ARNT2: variants seen among roughly 807,000 people sequenced by gnomAD.
The protein encoded by ARNT2 is aryl hydrocarbon receptor nuclear translocator 2.
Under a neutral mutation model 91.7 loss-of-function variants are expected in ARNT2, and 36 were observed. That is an observed-to-expected ratio of 0.39 (90% CI 0.30 to 0.52). The LOEUF (loss-of-function observed/expected upper bound fraction) is 0.52. Among genes scored for constraint, ARNT2 ranks in the 20% least tolerant of loss-of-function variants. The pLI is 0.72. For synonymous variants in ARNT2, 365 were observed against 347.1 expected (o/e 1.05, Z -0.57); for missense variants, 775 against 939.3 (o/e 0.83, Z 2.29).
At chr15:80,510,569 G>A (rs915898956) in intron 6 of ARNT2, among the ~76,000 whole-genome samples, 4 of 152,078 alleles carry the variant, frequency 2.6e-5, no homozygotes, top group African/African-American at 9.7e-5. Flanking sequence ...GGTGGCTCAT[G>A]CCTGTAATCC....
At chr15:80,528,388 ATCT>A (rs1897674967) in intron 8 of ARNT2, among the ~76,000 whole-genome samples, 1 of 151,952 alleles carries the variant, frequency 6.6e-6, no homozygotes, top group Admixed American at 6.6e-5. Flanking sequence ...CTATCTATCT[ATCT>A]ATCTATCTAT....
intron 1 of ARNT2, chr15:80,436,172 G>C (rs976072050): frequency 6.6e-6 from 1 of 152,350 alleles, no homozygotes; most frequent in African/African-American, 2.4e-5. Context: ...AACATCTTAC[G>C]AGGTCTGGAC....
At chr15:80,437,240 T>C (rs960254503) in intron 1 of ARNT2, among the ~76,000 whole-genome samples, 22 of 152,202 alleles carry the variant, frequency 1.4e-4, no homozygotes, top group Admixed American at 6.5e-5. Flanking sequence ...AACTGCACGC[T>C]CGTCAGGCCA....
chr15:80,578,492 C>T (rs912817762), intron 15 of ARNT2, among the ~76,000 whole-genome samples: 1 of 151,126 alleles, frequency 6.6e-6, no homozygotes, highest in Non-Finnish European at 1.5e-5. Flanking sequence ...GCAGCAGCAG[C>T]CGTGGGGACC....
Position 80,475,196 on chromosome 15 carries a change from C to A in ARNT2, c.595C>A (p.Leu199Met). The A allele has an allele frequency of 1.9e-6, 3 of 1,614,102 alleles. No individual in the cohort carries two copies. The highest frequency in any genetic ancestry group is 2.5e-6 in the Non-Finnish European group (3 of 1,180,038). The change falls in exon 5 of 19, where the codon CTG becomes ATG. Residue 199 changes from leucine (L) to methionine (M), a missense_variant. Physicochemically the swap from Leu to Met is conservative, Grantham distance 15. Around this residue, in one of 5 missense-constraint regions of ARNT2, gnomAD observed 285 missense variants for 327.2 expected, o/e 0.87. Transcript: ENST00000303329. The part of the protein sequence containing the change: ...PDDVEKLREQ[L>M]CTSENSMTGR... ...TGACGTGGAGAAGCTGAGAGAGCAA[C>A]TGTGCACCTCAGAAAACTCAATGAC...
rs1049798439 is a variant in ARNT2 at position 80,580,265 on chromosome 15, G to C, written c.1614-146G>C. 368 of 1,056,998 alleles carry C rather than the reference G, an allele frequency of 3.5e-4. 1 individual carries two copies. Among genetic ancestry groups the C allele is most frequent in the Non-Finnish European group, 1.6e-4 (114 of 702,698 alleles). 65.5% of individuals were successfully genotyped at this position (1,056,998 alleles called of 1,614,324 possible). A position where few individuals can be genotyped will look rare whatever the true frequency, so the allele number is the denominator to read the frequency against. On this transcript the variant is annotated intron_variant, in intron 15 of 18. Coordinates refer to ENST00000303329, the MANE Select transcript of ARNT2 (RefSeq NM_014862.4). ...ACGGCCAAGGGGCTTTGAGGCTCAC[G>C]ATGTGTGAGTCATTTTCTCTAGTGA...
chr15:80,498,327 G>A (rs1405132782), intron 5 of ARNT2, among the ~76,000 whole-genome samples: 18 of 152,176 alleles, frequency 1.2e-4, no homozygotes, highest in South Asian at 2.1e-4. Context: ...GAAGGGCTAC[G>A]TGGCCTTAAA....
chr15:80,497,717 A>G (rs142798038), intron 5 of ARNT2, among the ~76,000 whole-genome samples: 18 of 152,340 alleles, frequency 1.2e-4, no homozygotes, highest in Admixed American at 3.3e-4. Context: ...GCAGCCCATC[A>G]TGACCATTAA....
At chr15:80,553,608 T>C (rs1898123111) in intron 10 of ARNT2, among the ~76,000 whole-genome samples, 2 of 152,214 alleles carry the variant, frequency 1.3e-5, no homozygotes, top group East Asian at 3.9e-4. Context: ...TATATACACA[T>C]ATATGAAGAA....
chr15:80,575,175 C>G, intron 14 of ARNT2, 65 bp downstream of exon 14: 1 of 1,590,048 alleles, frequency 6.3e-7, no homozygotes, highest in Non-Finnish European at 8.6e-7. Flanking sequence ...AGGCCATCTA[C>G]AGACAGCTAC....
chr15:80,504,784 A>G (rs577682631), intron 5 of ARNT2, among the ~76,000 whole-genome samples: 2 of 149,090 alleles, frequency 1.3e-5, no homozygotes, highest in South Asian at 4.2e-4. Flanking sequence ...AAAAAAAAAA[A>G]TGGAAATCAG....
intron 4 of ARNT2, among the ~76,000 whole-genome samples, chr15:80,473,183 C>T (rs984620426): frequency 7.9e-5 from 12 of 152,112 alleles, no homozygotes; most frequent in Non-Finnish European, 1.2e-4. Context: ...AGTGGGAGAG[C>T]GGTAGGTGAT....
chr15:80,416,585 C>G (rs1330704431), intron 1 of ARNT2, among the ~76,000 whole-genome samples: 1 of 152,116 alleles, frequency 6.6e-6, no homozygotes, highest in Non-Finnish European at 1.5e-5. Context: ...GTTCTGATGT[C>G]TCTTTAGTGT....
chr15:80,457,245 G>T (rs747845129), intron 2 of ARNT2, among the ~76,000 whole-genome samples: 2 of 152,214 alleles, frequency 1.3e-5, no homozygotes, highest in Non-Finnish European at 2.9e-5. Flanking sequence ...GGGTGAATCT[G>T]AATAACTACT....
At chr15:80,523,899 T>A (rs577769188) in intron 8 of ARNT2, among the ~76,000 whole-genome samples, 2 of 152,282 alleles carry the variant, frequency 1.3e-5, no homozygotes, top group South Asian at 4.1e-4. Context: ...CCTTGAAACT[T>A]TGCCGCATGA....
chr15:80,486,740 G>A (rs919107315), intron 5 of ARNT2, among the ~76,000 whole-genome samples: 70 of 152,172 alleles, frequency 4.6e-4, no homozygotes, highest in African/African-American at 1.7e-3. Flanking sequence ...TGGGGGATAG[G>A]AATACTCACT....
intron 1 of ARNT2, among the ~76,000 whole-genome samples, chr15:80,424,840 G>A (rs1595956505): frequency 1.3e-5 from 2 of 151,730 alleles, no homozygotes; most frequent in South Asian, 4.2e-4. Context: ...TCAGGCTTCC[G>A]GCAGGAATTG....
chr15:80,483,030 T>TAAG (rs1896912960), intron 5 of ARNT2, among the ~76,000 whole-genome samples: 1 of 152,234 alleles, frequency 6.6e-6, no homozygotes, highest in African/African-American at 2.4e-5. Context: ...AATCTATGAC[T>TAAG]TTGTGAAATG....
rs557671720 is a variant in ARNT2 at position 80,415,502 on chromosome 15, G to A, written c.31+10956G>A. 2.6e-5 allele frequency among the ~76,000 whole-genome samples: 4 copies of A among 152,290 alleles called. No individual in the cohort carries two copies. In the South Asian group the frequency reaches 8.3e-4, roughly 32 times the overall value. On this transcript the variant is annotated intron_variant, in intron 1 of 18. Transcript: ENST00000303329. ...GAGGCCATTGAAGTGTGGTGAGTGG[G>A]GGCGTGATGTGATCAGAGGTGGGTT...
Sources: allele counts gnomAD v4.1 joint callset (sites outside exome capture counted in the v4.1 genomes callset), GRCh38; gene constraint gnomAD v4.1.1; regional missense constraint gnomAD v4.1.1; transcripts MANE v1.5; gene names NCBI Gene and HGNC (gene_info 2026-07-23, HGNC 2026-07-21).